The following GRM8 variants were observed in gnomAD, a reference collection of about 807,000 sequenced individuals.
The protein encoded by GRM8 is glutamate metabotropic receptor 8.
GRM8 carries 47 observed loss-of-function variants against 87.2 expected under a neutral mutation model. That is an observed-to-expected ratio of 0.54 (90% CI 0.43 to 0.69). The LOEUF is 0.69. Ranked by LOEUF, GRM8 falls within the 30% of genes least tolerant of loss-of-function variation. The pLI is 0.00. For missense variants in GRM8, 1,019 were observed against 1,139.2 expected, an observed-to-expected ratio of 0.89 and a Z score of 1.52; for synonymous variants, 396 against 404.5, an observed-to-expected ratio of 0.98 and a Z score of 0.25.
At chr7:126,720,217 T>G (rs1188932291) in intron 7 of GRM8, among the ~76,000 whole-genome samples, 2 of 151,828 alleles carry the variant, frequency 1.3e-5, no homozygotes, top group Non-Finnish European at 2.9e-5. Context: ...GGCATAATCA[T>G]TGCAGCCTCA....
At chr7:126,641,781 G>T (rs1483389181) in intron 7 of GRM8, among the ~76,000 whole-genome samples, 3 of 152,116 alleles carry the variant, frequency 2.0e-5, no homozygotes, top group Non-Finnish European at 4.4e-5. Flanking sequence ...CTGGAGGGTG[G>T]GTGGGATTTG....
chr7:126,501,975 A>G (rs987784146), intron 9 of GRM8, among the ~76,000 whole-genome samples: 3 of 151,924 alleles, frequency 2.0e-5, no homozygotes, highest in South Asian at 4.1e-4. Flanking sequence ...TGATAACTTG[A>G]TATGATTTAC....
At chr7:126,945,409 T>C (rs374977554) in intron 3 of GRM8, among the ~76,000 whole-genome samples, 16 of 152,302 alleles carry the variant, frequency 1.1e-4, no homozygotes, top group East Asian at 7.7e-4. Context: ...ATCTGAAAGT[T>C]TGAAATCCAA....
chr7:127,207,198 T>G (rs1321232790), intron 2 of GRM8, among the ~76,000 whole-genome samples: 1 of 152,186 alleles, frequency 6.6e-6, no homozygotes, highest in Non-Finnish European at 1.5e-5. Context: ...TTTTTTATTT[T>G]TATTAAATTG....
chr7:126,941,061 A>G (rs1468119568), intron 3 of GRM8, among the ~76,000 whole-genome samples: 1 of 152,142 alleles, frequency 6.6e-6, no homozygotes, highest in Non-Finnish European at 1.5e-5. Flanking sequence ...ATGGTGATCA[A>G]TGTTGAAATT....
At chr7:127,246,014 T>C (rs1443693880) in intron 1 of GRM8, among the ~76,000 whole-genome samples, 2 of 152,262 alleles carry the variant, frequency 1.3e-5, no homozygotes, top group Non-Finnish European at 2.9e-5. Flanking sequence ...GGTGAGCTTT[T>C]ACTGAATTTC....
intron 3 of GRM8, chr7:127,095,856 C>A (rs1228671847): frequency 2.0e-5 from 3 of 152,180 alleles, no homozygotes; most frequent in African/African-American, 7.2e-5. Context: ...AACACAGTGA[C>A]CTGCTGGAAA....
chr7:127,090,131 T>C (rs1823908548), intron 3 of GRM8, among the ~76,000 whole-genome samples: 1 of 152,188 alleles, frequency 6.6e-6, no homozygotes, highest in East Asian at 1.9e-4. Context: ...TCCCAGCTCT[T>C]GCCTGGAGAC....
chr7:126,504,507 A>G (rs1173755256), intron 9 of GRM8, among the ~76,000 whole-genome samples: 1 of 151,974 alleles, frequency 6.6e-6, no homozygotes, highest in Non-Finnish European at 1.5e-5. Flanking sequence ...TTATGTATCA[A>G]TAGACATATA....
intron 7 of GRM8, among the ~76,000 whole-genome samples, chr7:126,724,608 A>G (rs1236780287): frequency 6.6e-6 from 1 of 152,196 alleles, no homozygotes; most frequent in Non-Finnish European, 1.5e-5. Flanking sequence ...ATGTATGGGT[A>G]TCTCAGGAAT....
chr7:126,631,630 A>T (rs1801273742), intron 7 of GRM8, among the ~76,000 whole-genome samples: 1 of 152,218 alleles, frequency 6.6e-6, no homozygotes, highest in African/African-American at 2.4e-5. Context: ...CCTGACTTCA[A>T]ACTATACTAC....
chr7:126,637,697 T>A (rs1245470872), intron 7 of GRM8, among the ~76,000 whole-genome samples: 1 of 152,178 alleles, frequency 6.6e-6, no homozygotes, highest in Non-Finnish European at 1.5e-5. Context: ...ATTTGAGTAA[T>A]TATGTTCTTG....
chr7:127,017,575 GA>G (rs1371127449), intron 3 of GRM8, among the ~76,000 whole-genome samples: 1 of 152,068 alleles, frequency 6.6e-6, no homozygotes, highest in African/African-American at 2.4e-5. Context: ...TTTCAAAGAA[GA>G]AGGTGTCATC....
intron 7 of GRM8, among the ~76,000 whole-genome samples, chr7:126,682,846 T>C (rs1219304021): frequency 1.3e-5 from 2 of 152,116 alleles, no homozygotes; most frequent in Non-Finnish European, 2.9e-5. Flanking sequence ...GTCAGGAGTT[T>C]GAGACCAGCC....
At chr7:126,928,011 T>C (rs1015258537) in intron 3 of GRM8, among the ~76,000 whole-genome samples, 1 of 152,140 alleles carries the variant, frequency 6.6e-6, no homozygotes, top group Non-Finnish European at 1.5e-5. Flanking sequence ...ATGTGGCACA[T>C]ATACGTCATG....
chr7:127,166,613 G>T (rs191508581), intron 2 of GRM8, among the ~76,000 whole-genome samples: 5 of 152,258 alleles, frequency 3.3e-5, no homozygotes, highest in African/African-American at 1.2e-4. Context: ...AAGCTCTTTA[G>T]TATGTGCAAC....
At chr7:126,510,703 A>G (rs1328453089) in intron 9 of GRM8, among the ~76,000 whole-genome samples, 1 of 10,936 alleles carries the variant, frequency 9.1e-5, no homozygotes, top group East Asian at 1.9e-3. Context: ...TACTGGAGGC[A>G]TTTAGGCATC....
In GRM8 at chr7:126,477,581, GAGAAAGAAAGAAAGAAAGAA is replaced by G. The variant is rs36192147; in HGVS notation, c.2431-31229_2431-31210del. On this transcript the variant is annotated intron_variant, in intron 9 of 10. Coordinates refer to ENST00000339582, the MANE Select transcript of GRM8 (RefSeq NM_000845.3). The stretch of plus-strand genomic sequence containing the variant: ...AGTAAGAGAAAGAAAGAAAGAAAGA[GAGAAAGAAAGAAAGAAAGAA>G]AGAAAGAAAGAAAGAAAGAAAGAAA... 7.8e-3 allele frequency among the ~76,000 whole-genome samples: 621 copies of G among 79,180 alleles called. 5 individuals are homozygous for G. Among genetic ancestry groups the G allele is most frequent in the South Asian group, 0.031 (69 of 2,246 alleles). 51.9% of individuals were successfully genotyped at this position (79,180 alleles called of 152,430 possible).
At chr7:126,932,159 G>A (rs1179591742) in intron 3 of GRM8, among the ~76,000 whole-genome samples, 1 of 152,118 alleles carries the variant, frequency 6.6e-6, no homozygotes, top group Non-Finnish European at 1.5e-5. Flanking sequence ...TTTTATGTTG[G>A]TTGGTAGGTT....
Sources: gnomAD v4.1 joint callset for allele counts (sites outside exome capture counted in the v4.1 genomes callset) on GRCh38, gnomAD v4.1.1 for gene constraint, MANE v1.5 for transcripts, NCBI Gene and HGNC (gene_info 2026-07-23, HGNC 2026-07-21) for gene names.